IL1RAPL2: variants seen among roughly 807,000 people sequenced by gnomAD.
IL1RAPL2 encodes the protein interleukin 1 receptor accessory protein like 2, also known as X-linked interleukin-1 receptor accessory protein-like 2.
In IL1RAPL2, 3 loss-of-function variants were observed where a neutral mutation model predicts 44.1. That is an observed-to-expected ratio of 0.07 (90% CI 0.03 to 0.18). The LOEUF (loss-of-function observed/expected upper bound fraction) is 0.18. Among genes scored for constraint, IL1RAPL2 ranks in the 10% least tolerant of loss-of-function variants. The pLI is 1.00. For synonymous variants in IL1RAPL2, 181 were observed against 178.8 expected (o/e 1.01, Z -0.10); for missense variants, 391 against 496.4 (o/e 0.79, Z 2.02).
chrX:105,030,422 A>G (rs1361677737), intron 2 of IL1RAPL2, among the ~76,000 whole-genome samples: 1 of 111,807 alleles, frequency 8.9e-6, no homozygotes, highest in Non-Finnish European at 1.9e-5. Flanking sequence ...TAATTTTTGT[A>G]TAAGGTTTAA....
chrX:105,281,087 G>A (rs1450455672), intron 5 of IL1RAPL2, among the ~76,000 whole-genome samples: 6 of 111,865 alleles, frequency 5.4e-5, no homozygotes, highest in African/African-American at 2.0e-4. Context: ...GGAATACTGT[G>A]CAGCCATAAA....
intron 2 of IL1RAPL2, among the ~76,000 whole-genome samples, chrX:104,869,755 A>T (rs980188723): frequency 8.9e-6 from 1 of 112,058 alleles, no homozygotes; most frequent in Non-Finnish European, 1.9e-5. Flanking sequence ...GCTGTATTAC[A>T]AAAGCTATAA....
Position 104,826,878 on chromosome X carries a change from C to A in IL1RAPL2, c.82+167883C>A, listed in dbSNP as rs780977588. Among the ~76,000 whole-genome samples, 15 of 91,779 alleles carry A rather than the reference C, an allele frequency of 1.6e-4. No homozygotes were observed. The South Asian group carries it at 6.2e-3, about 38-fold the overall frequency. The allele number at this position is 91,779 out of a possible 115,157, so 79.7% of individuals were successfully genotyped here. On this transcript the variant is annotated intron_variant, in intron 2 of 10. Coordinates refer to ENST00000372582, the MANE Select transcript of IL1RAPL2 (RefSeq NM_017416.2). ...ACCATTATGGAATGCCTTTCTTTGT[C>A]TTTTTTGATCTTTGTTGGTTGAAAG...
intron 2 of IL1RAPL2, among the ~76,000 whole-genome samples, chrX:104,737,101 G>A (rs1382877406): frequency 8.9e-6 from 1 of 112,353 alleles, no homozygotes; most frequent in Non-Finnish European, 1.9e-5. Flanking sequence ...TTCCCATTTG[G>A]GCATGAGCCC....
chrX:105,298,281 G>A lies in IL1RAPL2; in HGVS notation c.697+30740G>A, dbSNP rs755243734. Among the ~76,000 whole-genome samples, 3 of 112,002 alleles carry A rather than the reference G, an allele frequency of 2.7e-5. No individual in the cohort carries two copies. In the South Asian group the frequency reaches 1.1e-3, roughly 42 times the overall value. ...TGTACCCTTTAACGAGCAAGGAGATGTTGAATGATTAGACTAAAATGGTGA... is the reference window on the plus strand; with the variant it reads ...TGTACCCTTTAACGAGCAAGGAGATATTGAATGATTAGACTAAAATGGTGA... On this transcript the variant is annotated intron_variant, in intron 5 of 10. Coordinates refer to ENST00000372582, the MANE Select transcript of IL1RAPL2 (RefSeq NM_017416.2).
At chrX:105,447,645 A>T (rs2035977899) in intron 5 of IL1RAPL2, among the ~76,000 whole-genome samples, 1 of 78,406 alleles carries the variant, frequency 1.3e-5, no homozygotes, top group East Asian at 4.3e-4. Context: ...ATAAATATAA[A>T]TATAAATATA....
At chrX:105,443,667 G>T (rs991763619) in intron 5 of IL1RAPL2, among the ~76,000 whole-genome samples, 2 of 112,066 alleles carry the variant, frequency 1.8e-5, no homozygotes, top group Non-Finnish European at 3.8e-5. Context: ...CCATGTTTTT[G>T]CGAATGACAG....
chrX:104,738,009 TGC>T (rs2147576118), intron 2 of IL1RAPL2, among the ~76,000 whole-genome samples: 1 of 112,362 alleles, frequency 8.9e-6, no homozygotes, highest in Admixed American at 9.5e-5. Context: ...AGTTTTCTTT[TGC>T]AGTAAAATAT....
At chrX:104,646,056 T>C (rs1457873774) in intron 1 of IL1RAPL2, among the ~76,000 whole-genome samples, 2 of 111,989 alleles carry the variant, frequency 1.8e-5, no homozygotes, top group African/African-American at 6.5e-5. Context: ...ATTCAGAATT[T>C]TAAAAATTAT....
chrX:105,489,775 T>TC (rs1569447160), intron 6 of IL1RAPL2, among the ~76,000 whole-genome samples: 1 of 65,846 alleles, frequency 1.5e-5, no homozygotes, highest in African/African-American at 6.0e-5. Flanking sequence ...TTTCTTTCTT[T>TC]TCTTTCTCTC....
At chrX:105,758,233 C>A (rs1262321764) in intron 10 of IL1RAPL2, among the ~76,000 whole-genome samples, 1 of 111,670 alleles carries the variant, frequency 9.0e-6, no homozygotes, top group Non-Finnish European at 1.9e-5. Flanking sequence ...TCTTGATCCA[C>A]AACAATAATT....
chrX:104,570,510 T>C (rs184190432), intron 1 of IL1RAPL2, among the ~76,000 whole-genome samples: 1 of 111,599 alleles, frequency 9.0e-6, no homozygotes, highest in Admixed American at 9.5e-5. Flanking sequence ...GGCAACATAG[T>C]GACACCCCAC....
chrX:104,758,991 TC>T (rs1932384518), intron 2 of IL1RAPL2, among the ~76,000 whole-genome samples: 2 of 112,284 alleles, frequency 1.8e-5, no homozygotes, highest in South Asian at 7.4e-4. Context: ...ACCCCCAGCC[TC>T]CTGCTGAGAC....
At chrX:105,340,574 A>C (rs1250383909) in intron 5 of IL1RAPL2, among the ~76,000 whole-genome samples, 2 of 111,781 alleles carry the variant, frequency 1.8e-5, no homozygotes, top group Non-Finnish European at 3.8e-5. Flanking sequence ...GGCCACCTTG[A>C]TGTTCCTTAA....
At chrX:105,380,826 C>T (rs1387145380) in intron 5 of IL1RAPL2, among the ~76,000 whole-genome samples, 1 of 111,418 alleles carries the variant, frequency 9.0e-6, no homozygotes, top group Non-Finnish European at 1.9e-5. Flanking sequence ...AGATCAATAT[C>T]TCTTCCTCTG....
At chrX:104,647,032 C>CT (rs1174518880) in intron 1 of IL1RAPL2, among the ~76,000 whole-genome samples, 5,909 of 106,608 alleles carry the variant, frequency 0.055, 443 homozygotes, top group African/African-American at 0.19. Context: ...AAATTCCAAA[C>CT]TTTTTTTTTT....
rs896937287 is a variant in IL1RAPL2 at position 104,706,340 on chromosome X, C to T, written c.82+47345C>T. On this transcript the variant is annotated intron_variant, in intron 2 of 10. Transcript: ENST00000372582. ...CAGATTACAGACTCATGTATATCACCTCGTTGAAGCCTTCCACAATGTGGT... is the reference window on the plus strand; with the variant it reads ...CAGATTACAGACTCATGTATATCACTTCGTTGAAGCCTTCCACAATGTGGT... Among the ~76,000 whole-genome samples the T allele has an allele frequency of 2.7e-5, 3 of 112,160 alleles. No homozygotes were observed. In the Admixed American group the frequency reaches 2.8e-4, roughly 11 times the overall value.
intron 9 of IL1RAPL2, among the ~76,000 whole-genome samples, chrX:105,751,863 G>C (rs1046221746): frequency 9.0e-6 from 1 of 111,645 alleles, no homozygotes; most frequent in Admixed American, 9.6e-5. Flanking sequence ...AATCTATCAA[G>C]TTTTTCATTT....
At position 105,178,443 on chromosome X, in the gene IL1RAPL2, A is replaced by G. The variant is rs759063111; in HGVS notation, c.83-17032A>G. Among the ~76,000 whole-genome samples, 18 of 112,393 alleles carry G rather than the reference A, an allele frequency of 1.6e-4. No homozygotes were observed. In the East Asian group the frequency reaches 4.5e-3, roughly 28 times the overall value. The stretch of plus-strand genomic sequence containing the variant: ...AGTGCTGCAATTTACATAGCAATGC[A>G]AGTATCCCTTTAATATACGGATTCC... On this transcript the variant is annotated intron_variant, in intron 2 of 10. Coordinates refer to ENST00000372582, the MANE Select transcript of IL1RAPL2 (RefSeq NM_017416.2).
Sources: gnomAD v4.1 joint callset for allele counts (sites outside exome capture counted in the v4.1 genomes callset) on GRCh38, gnomAD v4.1.1 for gene constraint, MANE v1.5 for transcripts, NCBI Gene and HGNC (gene_info 2026-07-23, HGNC 2026-07-21) for gene names.